PHC1: variants seen among roughly 807,000 people sequenced by gnomAD.
PHC1 encodes the protein polyhomeotic-like protein 1.
A neutral mutation model predicts 104.3 loss-of-function variants in PHC1; 12 were observed. The observed-to-expected ratio is 0.12, with a 90% confidence interval of 0.07 to 0.19. The LOEUF is 0.19. Ranked by LOEUF, PHC1 falls within the 10% of genes least tolerant of loss-of-function variation. PHC1 has a pLI of 1.00. For synonymous variants in PHC1, 302 were observed against 455.8 expected, an observed-to-expected ratio of 0.66 and a Z score of 4.30; for missense variants, 671 against 1,200.0, an observed-to-expected ratio of 0.56 and a Z score of 6.51.
At chr12:8,928,111 T>C (rs1379174743) in intron 6 of PHC1, among the ~76,000 whole-genome samples, 2 of 151,978 alleles carry the variant, frequency 1.3e-5, no homozygotes, top group Non-Finnish European at 2.9e-5. Context: ...TTTCTCCATG[T>C]TGCTCCTGCT....
chr12:8,933,410 GTGGAAA>G, intron 8 of PHC1, 60 bp downstream of exon 8: 1 of 1,464,580 alleles, frequency 6.8e-7, no homozygotes, highest in Non-Finnish European at 9.1e-7. Context: ...CCTGGGCTAA[GTGGAAA>G]TAGAGCTTAA....
At chr12:8,934,917 C>G (rs748279158) in intron 10 of PHC1, among the ~76,000 whole-genome samples, 10 of 152,066 alleles carry the variant, frequency 6.6e-5, no homozygotes, top group African/African-American at 2.4e-4. Flanking sequence ...AAGCCAGTTA[C>G]TATTTTTTTT....
chr12:8,922,517 G>C, intron 5 of PHC1, 116 bp from the exon 6 acceptor site: 1 of 859,558 alleles, frequency 1.2e-6, no homozygotes, highest in Non-Finnish European at 1.8e-6. Flanking sequence ...GGAAGAGGCA[G>C]GGCTCAGCTG....
At chr12:8,930,290 G>T (rs757386564) in intron 6 of PHC1, 145 bp from the exon 7 acceptor site, 10 of 1,210,972 alleles carry the variant, frequency 8.3e-6, no homozygotes, top group Admixed American at 5.6e-5. Flanking sequence ...GAGGTAGGAA[G>T]GCCTTAAAGT....
intron 10 of PHC1, 41 bp from the exon 11 acceptor site, chr12:8,935,083 G>A (rs1945795281): frequency 2.0e-6 from 2 of 1,002,340 alleles, no homozygotes; most frequent in African/African-American, 3.2e-5. Flanking sequence ...AGAAGCAGAA[G>A]GGGATCAGGC....
In PHC1 at chr12:8,926,107, G is replaced by T. The variant is rs138656751; in HGVS notation, c.612+3319G>T. Among the ~76,000 whole-genome samples, 59 of 152,288 alleles carry T rather than the reference G, an allele frequency of 3.9e-4. No homozygotes were observed. The East Asian group carries it at 8.9e-3, about 23-fold the overall frequency. On this transcript the variant is annotated intron_variant, in intron 6 of 14. Transcript: ENST00000544916. Reference sequence around the variant, plus strand: ...TTTATGAGACGAAGAATGTAGGAGTGTATTTAGAGTGACGTTCAGTTTTGG... The same window carrying T: ...TTTATGAGACGAAGAATGTAGGAGTTTATTTAGAGTGACGTTCAGTTTTGG...
rs1268567769 is a variant in PHC1, at chr12:8,922,687, C to T, written c.511C>T (p.Leu171=). Residue 171 remains leucine (L), a synonymous_variant, in exon 6 of 15, where the codon CTA becomes TTA. Coordinates refer to ENST00000544916, the MANE Select transcript of PHC1 (RefSeq NM_004426.3). ...VNRTLGRNVP[L]ASQLILMPNG... ...CCGAACCCTGGGTCGGAATGTGCCT[C>T]TAGCCTCCCAACTCATCCTGATGCC... The T allele has an allele frequency of 6.2e-7, 1 of 1,605,592 alleles. No homozygotes were observed. The highest frequency in any genetic ancestry group is 1.3e-5 in the African/African-American group (1 of 74,812).
chr12:8,929,009 T>C (rs1158921299), intron 6 of PHC1, among the ~76,000 whole-genome samples: 1 of 152,234 alleles, frequency 6.6e-6, no homozygotes, highest in Non-Finnish European at 1.5e-5. Context: ...TTCCTACACA[T>C]GCCTCCTGTG....
chr12:8,921,017 C>T lies in PHC1; in HGVS notation c.258C>T (p.Ser86=). ...TTGCTGCCAGTCGGCAGGCCAGCTC[C>T]CCAAACACCAGCACTACACAGCAGC... The part of the protein sequence containing the change: ...ATIAASRQAS[S]PNTSTTQQQT... The change falls in exon 4 of 15, where the codon TCC becomes TCT. Residue 86 remains serine, a synonymous_variant. Coordinates refer to ENST00000544916, the MANE Select transcript of PHC1 (RefSeq NM_004426.3). The T allele has an allele frequency of 6.2e-7, 1 of 1,613,556 alleles. No individual in the cohort carries two copies. Among genetic ancestry groups the T allele is most frequent in the South Asian group, 1.1e-5 (1 of 90,998 alleles).
At chr12:8,937,065 C>A in intron 12 of PHC1, 101 bp downstream of exon 12, 3 of 1,414,754 alleles carry the variant, frequency 2.1e-6, no homozygotes, top group South Asian at 2.4e-5. Context: ...TTATGTCTCC[C>A]TCCTTGCTTT....
chr12:8,937,062 T>C, intron 12 of PHC1, 98 bp downstream of exon 12: 1 of 1,397,004 alleles, frequency 7.2e-7, no homozygotes, highest in Non-Finnish European at 1.0e-6. Flanking sequence ...ATTTTATGTC[T>C]CCCTCCTTGC....
At chr12:8,932,382 T>G (rs1369917624) in intron 7 of PHC1, among the ~76,000 whole-genome samples, 181 bp from the exon 8 acceptor site, 1 of 152,224 alleles carries the variant, frequency 6.6e-6, no homozygotes, top group Non-Finnish European at 1.5e-5. Flanking sequence ...TGGTAATGTC[T>G]GATTGAGTGG....
At position 8,916,282 on chromosome 12, in the gene PHC1, T is replaced by G. The variant is rs149536067; in HGVS notation, c.-48-1348T>G. On this transcript the variant is annotated intron_variant, in intron 1 of 14. Coordinates refer to ENST00000544916, the MANE Select transcript of PHC1 (RefSeq NM_004426.3). ...GAGATAATAAGAAATATCCTCAGCT[T>G]TATTGCCAAGGCCAAGCAGTTTGAT... Among the ~76,000 whole-genome samples the G allele has an allele frequency of 4.7e-3, 711 of 152,324 alleles. 3 individuals carry two copies. Among genetic ancestry groups the G allele is most frequent in the African/African-American group, 0.016 (679 of 41,568 alleles).
In PHC1 at chr12:8,932,699, C is replaced by A. The variant is rs1162446064; in HGVS notation, c.1242C>A (p.Leu414=). 1 of 1,614,076 alleles carries A rather than the reference C, an allele frequency of 6.2e-7. No homozygotes were observed. The highest frequency in any genetic ancestry group is 8.5e-7 in the Non-Finnish European group (1 of 1,179,996). The change falls in exon 8 of 15, where the codon CTC becomes CTA. Residue 414 remains leucine (L), a synonymous_variant. Coordinates refer to ENST00000544916, the MANE Select transcript of PHC1 (RefSeq NM_004426.3). The part of the protein sequence containing the change: ...QQQFQHRQSQ[L]LHTATHLQLA... Reference sequence around the variant, plus strand: ...AGTTCCAGCACCGGCAGTCCCAGCTCCTTCACACAGCTACACACCTCCAGT... The same window carrying A: ...AGTTCCAGCACCGGCAGTCCCAGCTACTTCACACAGCTACACACCTCCAGT...
At chr12:8,925,928 G>A (rs192332587) in intron 6 of PHC1, among the ~76,000 whole-genome samples, 59 of 152,286 alleles carry the variant, frequency 3.9e-4, no homozygotes, top group African/African-American at 1.3e-3. Flanking sequence ...AGGGACAGAC[G>A]ATGTTCATAC....
rs778496889 is a variant in PHC1, at chr12:8,938,022, G to C, written c.2822G>C (p.Ser941Thr). 1 of 1,607,680 alleles carries C rather than the reference G, an allele frequency of 6.2e-7. No individual in the cohort carries two copies. The highest frequency in any genetic ancestry group is 2.2e-5 in the East Asian group (1 of 44,826). Residue 941 changes from serine (S) to threonine (T), a missense_variant, in exon 14 of 15, where the codon AGT becomes ACT. Transcript: ENST00000544916. ...VFLSSNPSRW[S>T]VEEVYEFIAS... Reference sequence around the variant, plus strand: ...CTGTCCAGTAATCCCAGCCGTTGGAGTGTAGAGGAGGTGTACGAGTTTATT... The same window carrying C: ...CTGTCCAGTAATCCCAGCCGTTGGACTGTAGAGGAGGTGTACGAGTTTATT...
rs1264464765 is a variant in PHC1, at chr12:8,930,487, T to C, written c.665T>C (p.Met222Thr). 2 of 1,576,056 alleles carry C rather than the reference T, an allele frequency of 1.3e-6. No individual in the cohort carries two copies. Among genetic ancestry groups the C allele is most frequent in the South Asian group, 1.2e-5 (1 of 86,046 alleles). Residue 222 changes from methionine (M) to threonine (T), a missense_variant, in exon 7 of 15, where the codon ATG becomes ACG. Around this residue, in one of 9 missense-constraint regions of PHC1, gnomAD observed 237 missense variants for 331.1 expected, o/e 0.72. Transcript: ENST00000544916. ...CAGGCCTCAGCTCAAGGACCTCAGA[T>C]GCAAGGCTCCACTCAGAAGGCCATT... The part of the protein sequence containing the change: ...NQQASAQGPQ[M>T]QGSTQKAIPP...
rs759223303 is a variant in PHC1 at position 8,919,858 on chromosome 12, G to A, written c.217G>A (p.Val73Ile). The stretch of plus-strand genomic sequence containing the variant: ...TGCCCAGCTGCATAGCCTGGCTGCC[G>A]TCCAGCAGGTGAGAGGTCAGCAGCC... ...SNAQLHSLAA[V>I]QQATIAASRQ... The change falls in exon 3 of 15, where the codon GTC becomes ATC. Residue 73 changes from valine (V) to isoleucine (I), a missense_variant. This residue lies in a region of PHC1 where 237 missense variants were observed against 331.1 expected (regional missense o/e 0.72). Transcript: ENST00000544916. The surrounding 1 kb of genome is among the most constrained non-coding windows in gnomAD (Gnocchi z 4.9). 15 of 1,596,432 alleles carry A rather than the reference G, an allele frequency of 9.4e-6. No individual in the cohort carries two copies. Among genetic ancestry groups the A allele is most frequent in the African/African-American group, 1.3e-5 (1 of 74,804 alleles).
chr12:8,925,111 A>G (rs1371121381), intron 6 of PHC1, among the ~76,000 whole-genome samples: 3 of 152,164 alleles, frequency 2.0e-5, no homozygotes. Flanking sequence ...TACGCATCTG[A>G]TGGGTCAGAT....
Sources: allele counts gnomAD v4.1 joint callset (sites outside exome capture counted in the v4.1 genomes callset), GRCh38; gene constraint gnomAD v4.1.1; regional missense constraint gnomAD v4.1.1; non-coding constraint Gnocchi (gnomAD v3.1); transcripts MANE v1.5; gene names NCBI Gene and HGNC (gene_info 2026-07-23, HGNC 2026-07-21).